The following IREB2 variants were observed in gnomAD, a reference collection of about 807,000 sequenced individuals.
IREB2 encodes iron-responsive element-binding protein 2.
A neutral mutation model predicts 118.8 loss-of-function variants in IREB2; 39 were observed. The ratio of observed to expected loss-of-function variants is 0.33; its 90% CI spans 0.25 to 0.43. IREB2 has a LOEUF of 0.43. IREB2 is among the 20% of genes least tolerant of loss of function. The pLI is 1.00. For synonymous variants in IREB2, 372 were observed against 392.2 expected (o/e 0.95, Z 0.61); for missense variants, 900 against 1,147.3 (o/e 0.78, Z 3.11).
At chr15:78,447,332 ATTTTT>A in intron 2 of IREB2, among the ~76,000 whole-genome samples, 1 of 138,460 alleles carries the variant, frequency 7.2e-6, no homozygotes, top group Non-Finnish European at 1.6e-5. Flanking sequence ...CACCTGGCTA[ATTTTT>A]TTTTTTTTTT....
chr15:78,492,352 A>C (rs1176631304), intron 18 of IREB2, among the ~76,000 whole-genome samples: 1 of 80,716 alleles, frequency 1.2e-5, no homozygotes, highest in African/African-American at 4.8e-5. Context: ...GAAAATGTAC[A>C]CAATTTTACC....
intron 2 of IREB2, among the ~76,000 whole-genome samples, chr15:78,445,124 G>A (rs1365797434): frequency 6.6e-6 from 1 of 150,566 alleles, no homozygotes; most frequent in African/African-American, 2.4e-5. Flanking sequence ...TTTACTGTTG[G>A]TTCCAGTCTT....
intron 1 of IREB2, chr15:78,438,696 TCTC>T (rs1206383048): frequency 2.8e-5 from 11 of 391,872 alleles, no homozygotes; most frequent in East Asian, 1.4e-4. Context: ...CCCACCGTCT[TCTC>T]CTGCCCGCCC....
chr15:78,438,484 C>A (rs1461422913), intron 1 of IREB2, 128 bp downstream of exon 1: 1 of 1,048,366 alleles, frequency 9.5e-7, no homozygotes, highest in Non-Finnish European at 1.4e-6. Flanking sequence ...GGGTTGTGCT[C>A]CCCTCGGGGC....
intron 13 of IREB2, among the ~76,000 whole-genome samples, chr15:78,486,236 CTTAATT>C (rs1426689431): frequency 1.3e-5 from 2 of 152,162 alleles, no homozygotes; most frequent in African/African-American, 4.8e-5. Context: ...TGAAAATTGT[CTTAATT>C]TTAGTTTTAT....
At chr15:78,457,248 A>G (rs1179471554) in intron 2 of IREB2, among the ~76,000 whole-genome samples, 4 of 151,764 alleles carry the variant, frequency 2.6e-5, no homozygotes, top group Non-Finnish European at 5.9e-5. Flanking sequence ...TCTTCTGTTG[A>G]TGACATGCTA....
At chr15:78,468,864 G>C (rs1303021267) in intron 5 of IREB2, among the ~76,000 whole-genome samples, 2 of 152,112 alleles carry the variant, frequency 1.3e-5, no homozygotes, top group Non-Finnish European at 2.9e-5. Context: ...TTGCCTAGTT[G>C]TCCTGGTTGT....
chr15:78,488,565 T>G lies in IREB2; in HGVS notation c.1952-82T>G. 3 of 1,347,960 alleles carry G rather than the reference T, an allele frequency of 2.2e-6. No homozygotes were observed. In the South Asian group the frequency reaches 4.6e-5, roughly 20 times the overall value. 83.5% of individuals were successfully genotyped at this position (1,347,960 alleles called of 1,614,324 possible). On this transcript the variant is annotated intron_variant, in intron 15 of 21. Transcript: ENST00000258886. ...CACCCTGTTGAATCATTTACTTGAT[T>G]TCCATGATATGTCTTTGAAAAGGTA... is the stretch of plus-strand genomic sequence containing the variant.
intron 4 of IREB2, 107 bp from the exon 5 acceptor site, chr15:78,466,164 A>G: frequency 1.6e-6 from 1 of 640,610 alleles, no homozygotes; most frequent in South Asian, 2.1e-5. Context: ...GCCTTTAAAC[A>G]TCATTCAGTT....
Position 78,473,362 on chromosome 15 carries a change from T to C in IREB2, c.1004T>C (p.Val335Ala), listed in dbSNP as rs772864003. The C allele has an allele frequency of 1.9e-5, 31 of 1,613,788 alleles. No individual in the cohort carries two copies. The highest frequency in any genetic ancestry group is 2.6e-5 in the Non-Finnish European group (31 of 1,179,736). Residue 335 changes from valine (V) to alanine (A), a missense_variant, in exon 8 of 22, where the codon GTT becomes GCT. By Grantham distance (64) the Val-to-Ala change is moderately conservative. Coordinates refer to ENST00000258886, the MANE Select transcript of IREB2 (RefSeq NM_004136.4). ...AACCCTTTTGTTACATCCATAGATGTTGTTCTTGGTATTACAAAGGTAAGT... is the reference window on the plus strand; with the variant it reads ...AACCCTTTTGTTACATCCATAGATGCTGTTCTTGGTATTACAAAGGTAAGT... ...SSNPFVTSID[V>A]VLGITKHLRQ... is the part of the protein sequence containing the mutation.
intron 2 of IREB2, among the ~76,000 whole-genome samples, chr15:78,458,730 C>T (rs1466213525): frequency 1.3e-5 from 2 of 152,178 alleles, no homozygotes; most frequent in African/African-American, 4.8e-5. Flanking sequence ...CTAGTAGGCG[C>T]CAGCTTCATA....
At chr15:78,449,768 G>A (rs1032328017) in intron 2 of IREB2, among the ~76,000 whole-genome samples, 3 of 152,046 alleles carry the variant, frequency 2.0e-5, no homozygotes, top group African/African-American at 7.3e-5. Flanking sequence ...GCCTTTCATC[G>A]GATGCTTCCC....
intron 2 of IREB2, among the ~76,000 whole-genome samples, chr15:78,448,105 T>G (rs544532082): frequency 6.0e-4 from 92 of 152,324 alleles, no homozygotes; most frequent in Admixed American, 5.9e-3. Context: ...GTTTTCTGCT[T>G]CCTCAGACTC....
rs1299793222 is a variant in IREB2 at position 78,476,217 on chromosome 15, G to T, written c.1053G>T (p.Lys351Asn). 6.3e-7 allele frequency: 1 copy of T among 1,599,712 alleles called. No individual in the cohort carries two copies. The highest frequency in any genetic ancestry group is 8.6e-7 in the Non-Finnish European group (1 of 1,169,310). ...KHLRQVGVAG[K>N]FVEFFGSGVS... ...TCAGGCAAGTAGGAGTGGCTGGAAA[G>T]TTTGTTGAGTTTTTTGGAAGTGGAG... Residue 351 changes from lysine to asparagine, a missense_variant, in exon 9 of 22, where the codon AAG becomes AAT. Coordinates refer to ENST00000258886, the MANE Select transcript of IREB2 (RefSeq NM_004136.4).
chr15:78,492,696 G>A (rs557006453), intron 18 of IREB2, among the ~76,000 whole-genome samples: 1 of 152,144 alleles, frequency 6.6e-6, no homozygotes, highest in African/African-American at 2.4e-5. Context: ...AGTAGCTTGG[G>A]ACTACAGGCT....
At position 78,471,709 on chromosome 15, in the gene IREB2, A is replaced by G. The variant is rs183297713; in HGVS notation, c.700-32A>G. On this transcript the variant is annotated intron_variant, in intron 6 of 21. Transcript: ENST00000258886. ...TGTGAGCACAAATTTATATACTAACATTTGTATTTCTTAAATTTAAACAAA... is the reference window on the plus strand; with the variant it reads ...TGTGAGCACAAATTTATATACTAACGTTTGTATTTCTTAAATTTAAACAAA... 5,053 of 1,416,574 alleles carry G rather than the reference A, an allele frequency of 3.6e-3. 20 individuals carry two copies. The highest frequency in any genetic ancestry group is 4.4e-3 in the Non-Finnish European group (4,586 of 1,039,850). The allele number at this position is 1,416,574 out of a possible 1,614,324, so 87.8% of individuals were successfully genotyped here. A position where few individuals can be genotyped will look rare whatever the true frequency, so the allele number is the denominator to read the frequency against.
In IREB2 at chr15:78,494,010, T is replaced by C; in HGVS notation, c.2426T>C (p.Ile809Thr). ...AATATCAAGCTTTTTAATAAGTTTA[T>C]TGGAAAACCAGCTCCTAAAACAATT... ...FANIKLFNKF[I>T]GKPAPKTIHF... is the part of the protein sequence containing the mutation. The change falls in exon 19 of 22, where the codon ATT (isoleucine) becomes ACT (threonine). Residue 809 changes from isoleucine (I) to threonine (T), a missense_variant. Transcript: ENST00000258886. 6.2e-7 allele frequency: 1 copy of C among 1,614,162 alleles called. No homozygotes were observed. The highest frequency in any genetic ancestry group is 8.5e-7 in the Non-Finnish European group (1 of 1,180,002).
intron 2 of IREB2, among the ~76,000 whole-genome samples, chr15:78,450,827 T>C (rs2051012542): frequency 1.1e-4 from 1 of 9,340 alleles, no homozygotes; most frequent in African/African-American, 3.7e-4. Flanking sequence ...AACAAATTTG[T>C]GTGTGTGTGT....
At chr15:78,491,478 T>G (rs2051749263) in intron 18 of IREB2, among the ~76,000 whole-genome samples, 1 of 151,822 alleles carries the variant, frequency 6.6e-6, no homozygotes, top group African/African-American at 2.4e-5. Flanking sequence ...TCATTGAAAT[T>G]TATTTATTTA....
Sources: gnomAD v4.1 joint callset for allele counts (sites outside exome capture counted in the v4.1 genomes callset) on GRCh38, gnomAD v4.1.1 for gene constraint, MANE v1.5 for transcripts, NCBI Gene and HGNC (gene_info 2026-07-23, HGNC 2026-07-21) for gene names.